Variants in STAC3 observed in about 807,000 individuals in gnomAD.
STAC3 encodes the protein SH3 and cysteine rich domain 3, also known as SH3 and cysteine-rich domain-containing protein 3.
In STAC3, 30 loss-of-function variants were observed where a neutral mutation model predicts 48.5. That is an observed-to-expected ratio of 0.62 (90% CI 0.46 to 0.84). STAC3 has a LOEUF of 0.84. STAC3 is among the 40% of genes least tolerant of loss of function. STAC3 has a pLI of 0.00. For synonymous variants in STAC3, 144 were observed against 158.6 expected (o/e 0.91, Z 0.69); for missense variants, 419 against 462.6 (o/e 0.91, Z 0.86).
In STAC3 at chr12:57,249,209, C is replaced by G. The variant is rs762781734; in HGVS notation, c.166G>C (p.Gly56Arg). 4 of 1,614,008 alleles carry G rather than the reference C, an allele frequency of 2.5e-6. No individual in the cohort carries two copies. In the African/African-American group the frequency reaches 4.0e-5, roughly 16 times the overall value. ...TAGATGTAGTAGATGGGCCCACCCC[C>G]AGCTCCCACTGCCTCCCCATTGGCC... Reference protein sequence around the residue: ...PQANGEAVGAGGGPIYYIYEE... With the variant: ...PQANGEAVGARGGPIYYIYEE... The change falls in exon 3 of 12, where the codon GGG becomes CGG. Residue 56 changes from glycine to arginine, a missense_variant. Physicochemically the swap from Gly to Arg is moderately radical, Grantham distance 125. Transcript: ENST00000332782.
chr12:57,248,626 G>T (rs2037820813), intron 4 of STAC3, 80 bp downstream of exon 4: 5 of 1,117,868 alleles, frequency 4.5e-6, no homozygotes, highest in Non-Finnish European at 6.8e-6. Context: ...GCCCACCTCA[G>T]CCTCCCAAAG....
Position 57,248,583 on chromosome 12 carries a change from C to G in STAC3, c.432+123G>C. 3 of 739,986 alleles carry G rather than the reference C, an allele frequency of 4.1e-6. No individual in the cohort carries two copies. The South Asian group carries it at 4.6e-5, about 11-fold the overall frequency. The allele number at this position is 739,986 out of a possible 1,614,324, so 45.8% of individuals were successfully genotyped here. On this transcript the variant is annotated intron_variant, in intron 4 of 11. Coordinates refer to ENST00000332782, the MANE Select transcript of STAC3 (RefSeq NM_145064.3). ...AGAGACGGGGTTTCACTGTGTTAGC[C>G]AGGATGGTCTCGATCTCCTGACCTC...
intron 7 of STAC3, 35 bp from the exon 8 acceptor site, chr12:57,245,000 C>T (rs2037699897): frequency 6.2e-7 from 1 of 1,613,238 alleles, no homozygotes; most frequent in African/African-American, 1.3e-5. Context: ...TGTCTGTCTC[C>T]TGGAGGGCAA....
intron 5 of STAC3, among the ~76,000 whole-genome samples, chr12:57,247,161 T>C (rs1352308358): frequency 1.3e-5 from 2 of 152,144 alleles, no homozygotes; most frequent in Non-Finnish European, 2.9e-5. Flanking sequence ...CAGAGCATTA[T>C]ATGATGTTTG....
At chr12:57,244,991 G>A (rs1315882553) in intron 7 of STAC3, 26 bp from the exon 8 acceptor site, 2 of 1,613,770 alleles carry the variant, frequency 1.2e-6, no homozygotes, top group Admixed American at 1.7e-5. Context: ...CCAACAAATT[G>A]TCTGTCTCCT....
chr12:57,248,375 CTCTTTT>C, intron 4 of STAC3, 177 bp from the exon 5 acceptor site: 2 of 577,154 alleles, frequency 3.5e-6, no homozygotes, highest in East Asian at 2.9e-5. Context: ...GACATGTCCC[CTCTTTT>C]TTTTTTTTTT....
rs781007752 is a variant in STAC3, at chr12:57,249,146, G to GCTC, written c.226_228dup (p.Glu76dup). On this transcript the variant is annotated inframe_insertion, in exon 3 of 12. Transcript: ENST00000332782. Reference sequence around the variant, plus strand: ...ACCAGCTTAGGAGGTTCTGGGGGTGGCTCCTCCTCCTCCTCTTCTTCCTCT... The same window carrying GCTC: ...ACCAGCTTAGGAGGTTCTGGGGGTGGCTCCTCCTCCTCCTCCTCTTCTTCCTCT... 1.8e-5 allele frequency: 29 copies of GCTC among 1,613,650 alleles called. No individual in the cohort carries two copies. In the African/African-American group the frequency reaches 2.5e-4, roughly 14 times the overall value.
chr12:57,244,225 C>G lies in STAC3; in HGVS notation c.859G>C (p.Gly287Arg). ...IDDSNEEWWR[G>R]KIGEKVGFFP... Reference sequence around the variant, plus strand: ...AATCCGACCTTCTCCCCGATTTTCCCCTAGGGAAGATAGTAGGGAGAGTCC... The same window carrying G: ...AATCCGACCTTCTCCCCGATTTTCCGCTAGGGAAGATAGTAGGGAGAGTCC... Residue 287 changes from glycine (G) to arginine (R), a missense_variant and splice_region_variant, in exon 11 of 12, where the codon GGG becomes CGG. Gly to Arg is a moderately radical substitution (Grantham distance 125). Coordinates refer to ENST00000332782, the MANE Select transcript of STAC3 (RefSeq NM_145064.3). 3 of 1,614,176 alleles carry G rather than the reference C, an allele frequency of 1.9e-6. No homozygotes were observed. Among genetic ancestry groups the G allele is most frequent in the Non-Finnish European group, 2.5e-6 (3 of 1,180,038 alleles).
At position 57,250,293 on chromosome 12, in the gene STAC3, G is replaced by A. The variant is rs945477431; in HGVS notation, c.-1-656C>T. Among the ~76,000 whole-genome samples, 3 of 150,008 alleles carry A rather than the reference G, an allele frequency of 2.0e-5. No individual in the cohort carries two copies. The Admixed American group carries it at 2.0e-4, about 10-fold the overall frequency. ...TAATCCCATCCACTCAGGAAGCTGAGGAAGGATAATCGCTTGAACCCGGGA... is the reference window on the plus strand; with the variant it reads ...TAATCCCATCCACTCAGGAAGCTGAAGAAGGATAATCGCTTGAACCCGGGA... On this transcript the variant is annotated intron_variant, in intron 1 of 11. Transcript: ENST00000332782.
intron 5 of STAC3, among the ~76,000 whole-genome samples, chr12:57,247,720 G>T (rs2037786722): frequency 6.6e-6 from 1 of 152,096 alleles, no homozygotes; most frequent in Non-Finnish European, 1.5e-5. Flanking sequence ...ACCGCGCCCG[G>T]CCTGGGTTGC....
chr12:57,246,425 C>T (rs1302672499), intron 6 of STAC3, among the ~76,000 whole-genome samples: 2 of 147,566 alleles, frequency 1.4e-5, no homozygotes, highest in Non-Finnish European at 3.0e-5. Flanking sequence ...CTCACTTTCT[C>T]CCCCAGGCTG....
In STAC3 at chr12:57,249,207, C is replaced by A; in HGVS notation, c.168G>T (p.Gly56=). 6.2e-7 allele frequency: 1 copy of A among 1,614,070 alleles called. No individual in the cohort carries two copies. The highest frequency in any genetic ancestry group is 8.5e-7 in the Non-Finnish European group (1 of 1,180,026). ...PQANGEAVGA[G]GGPIYYIYEE... is the part of the protein sequence containing the mutation. ...CATAGATGTAGTAGATGGGCCCACC[C>A]CCAGCTCCCACTGCCTCCCCATTGG... is the stretch of plus-strand genomic sequence containing the variant. The change falls in exon 3 of 12, where the codon GGG becomes GGT. Residue 56 remains glycine, a synonymous_variant. Transcript: ENST00000332782.
Position 57,244,916 on chromosome 12 carries a change from C to A in STAC3, c.720G>T (p.Lys240Asn). ...KKAEKKTPDD[K>N]HKQPGFQQSH... ...CCTTGCAGGGAGGAAGGATTCTTAC[C>A]TTGTCATCAGGTGTCTTCTTCTCAG... is the stretch of plus-strand genomic sequence containing the variant. The change falls in exon 8 of 12, where the codon AAG becomes AAT. Residue 240 changes from lysine to asparagine, a missense_variant and splice_region_variant. Lys to Asn is a moderately conservative substitution (Grantham distance 94, BLOSUM62 0). Transcript: ENST00000332782. 6.2e-7 allele frequency: 1 copy of A among 1,614,116 alleles called. No homozygotes were observed. Among genetic ancestry groups the A allele is most frequent in the Non-Finnish European group, 8.5e-7 (1 of 1,180,010 alleles).
At chr12:57,250,262 C>G (rs770224954) in intron 1 of STAC3, among the ~76,000 whole-genome samples, 2 of 151,862 alleles carry the variant, frequency 1.3e-5, no homozygotes, top group Non-Finnish European at 2.9e-5. Context: ...TGGTGGCGGA[C>G]GCCTGTAATC....
At chr12:57,247,936 A>G (rs2037792450) in intron 5 of STAC3, among the ~76,000 whole-genome samples, 190 bp downstream of exon 5, 1 of 152,166 alleles carries the variant, frequency 6.6e-6, no homozygotes, top group South Asian at 2.1e-4. Flanking sequence ...GTTGCAACTA[A>G]ATCGTATCTC....
intron 9 of STAC3, 69 bp downstream of exon 9, chr12:57,244,468 T>C: frequency 6.2e-7 from 1 of 1,612,094 alleles, no homozygotes; most frequent in Non-Finnish European, 8.5e-7. Context: ...CCTTTTCCTT[T>C]CCCTTGGGGG....
chr12:57,246,837 C>T lies in STAC3; in HGVS notation c.570G>A (p.Lys190=), dbSNP rs76667525. The part of the protein sequence containing the change: ...TLRTGVIMAN[K]ERKKGQADKK... Reference sequence around the variant, plus strand: ...TATCTGCCTGTCCCTTCTTCCGTTCCTTGTTTGCCATGATCACCCCAGTGC... The same window carrying T: ...TATCTGCCTGTCCCTTCTTCCGTTCTTTGTTTGCCATGATCACCCCAGTGC... Residue 190 remains lysine, a synonymous_variant, in exon 6 of 12, where the codon AAG becomes AAA. Coordinates refer to ENST00000332782, the MANE Select transcript of STAC3 (RefSeq NM_145064.3). 9.3e-3 allele frequency: 15,061 copies of T among 1,613,976 alleles called. 209 individuals carry two copies. Among genetic ancestry groups the T allele is most frequent in the East Asian group, 0.073 (3,258 of 44,858 alleles).
chr12:57,247,425 A>ATTTTTTTT (rs1227095476), intron 5 of STAC3, among the ~76,000 whole-genome samples: 14 of 58,958 alleles, frequency 2.4e-4, no homozygotes, highest in African/African-American at 7.6e-4. Context: ...TATTATTATT[A>ATTTTTTTT]TTATTTTTTT....
rs1477721726 is a variant in STAC3, at chr12:57,248,167, G to T, written c.464C>A (p.Pro155Gln). Reference sequence around the variant, plus strand: ...AGCGTACTGCTGGTTGCTGTAGAGTGGGGAACTATAGGCCCGATGGAAACC... The same window carrying T: ...AGCGTACTGCTGGTTGCTGTAGAGTTGGGAACTATAGGCCCGATGGAAACC... ...PPGFHRAYSS[P>Q]LYSNQQYACV... Residue 155 changes from proline to glutamine, a missense_variant, in exon 5 of 12, where the codon CCA (proline) becomes CAA (glutamine). Pro to Gln is a moderately conservative substitution (Grantham distance 76). Transcript: ENST00000332782. 2 of 1,614,102 alleles carry T rather than the reference G, an allele frequency of 1.2e-6. No homozygotes were observed. Among genetic ancestry groups the T allele is most frequent in the Non-Finnish European group, 1.7e-6 (2 of 1,179,968 alleles).
Sources: allele counts gnomAD v4.1 joint callset (sites outside exome capture counted in the v4.1 genomes callset), GRCh38; gene constraint gnomAD v4.1.1; transcripts MANE v1.5; gene names NCBI Gene and HGNC (gene_info 2026-07-23, HGNC 2026-07-21).